CEP128: variants seen among roughly 807,000 people sequenced by gnomAD.
CEP128 encodes the protein centrosomal protein 128.
A neutral mutation model predicts 156.7 loss-of-function variants in CEP128; 132 were observed. The observed-to-expected ratio is 0.84, with a 90% CI of 0.73 to 0.97. The LOEUF (loss-of-function observed/expected upper bound fraction) is 0.97, where lower values mean the gene tolerates loss of function less well. CEP128 is among the 50% of genes least tolerant of loss of function. The probability of loss-of-function intolerance (pLI) is 0.00; values close to 1 mark genes in which losing one functional copy is unlikely to be tolerated. For synonymous variants in CEP128, 469 were observed against 448.9 expected, an observed-to-expected ratio of 1.04 and a Z score of -0.57; for missense variants, 1,252 against 1,281.9, an observed-to-expected ratio of 0.98 and a Z score of 0.36.
intron 14 of CEP128, among the ~76,000 whole-genome samples, chr14:80,791,524 T>G (rs1901704503): frequency 6.6e-6 from 1 of 152,148 alleles, no homozygotes; most frequent in Admixed American, 6.5e-5. Context: ...CAATCAATTC[T>G]CTCAACCACT....
chr14:80,854,918 C>T (rs551355628), intron 9 of CEP128, among the ~76,000 whole-genome samples: 1 of 151,598 alleles, frequency 6.6e-6, no homozygotes, highest in Admixed American at 6.6e-5. Flanking sequence ...CATAAATAAT[C>T]GGGGACAAAG....
chr14:80,573,728 C>G (rs1891242347), intron 20 of CEP128, among the ~76,000 whole-genome samples: 1 of 151,924 alleles, frequency 6.6e-6, no homozygotes, highest in Non-Finnish European at 1.5e-5. Flanking sequence ...CCTGTTTGAC[C>G]CCAAGGCAGA....
At chr14:80,764,974 T>G (rs1419136209) in intron 16 of CEP128, among the ~76,000 whole-genome samples, 1 of 152,226 alleles carries the variant, frequency 6.6e-6, no homozygotes, top group Non-Finnish European at 1.5e-5. Context: ...CACACCATAC[T>G]TCAGCAGTTA....
chr14:80,500,233 CT>C (rs1374131064), intron 24 of CEP128, among the ~76,000 whole-genome samples: 3 of 152,148 alleles, frequency 2.0e-5, no homozygotes, highest in Non-Finnish European at 2.9e-5. Context: ...TGATTCTATG[CT>C]TTAGTTTGGT....
chr14:80,565,383 C>CAG (rs1566783467), intron 20 of CEP128, among the ~76,000 whole-genome samples: 1 of 151,860 alleles, frequency 6.6e-6, no homozygotes, highest in African/African-American at 2.4e-5. Context: ...ATTTGGCAAG[C>CAG]GCCTGCTTGC....
intron 9 of CEP128, among the ~76,000 whole-genome samples, chr14:80,842,741 GA>G (rs113964824): frequency 2.7e-5 from 4 of 150,454 alleles, no homozygotes; most frequent in African/African-American, 2.4e-5. Flanking sequence ...TATAAAAGAA[GA>G]AAAAAAAATC....
chr14:80,873,069 A>C (rs1186268043), intron 8 of CEP128, among the ~76,000 whole-genome samples: 1 of 152,230 alleles, frequency 6.6e-6, no homozygotes, highest in Admixed American at 6.5e-5. Context: ...AGGAACTGGC[A>C]CATGAACAAT....
intron 21 of CEP128, among the ~76,000 whole-genome samples, chr14:80,558,956 C>T (rs1480951349): frequency 2.0e-5 from 3 of 152,136 alleles, no homozygotes; most frequent in African/African-American, 7.2e-5. Flanking sequence ...ATCAACCAAT[C>T]CTCTTAGTGA....
intron 19 of CEP128, among the ~76,000 whole-genome samples, chr14:80,643,023 G>T (rs1595138706): frequency 6.6e-6 from 1 of 152,022 alleles, no homozygotes; most frequent in East Asian, 1.9e-4. Context: ...CAAAGTGCTG[G>T]GATTACAGGC....
chr14:80,805,021 A>ATGT (rs1884093406), intron 13 of CEP128, among the ~76,000 whole-genome samples: 1 of 152,010 alleles, frequency 6.6e-6, no homozygotes, highest in Non-Finnish European at 1.5e-5. Flanking sequence ...GTCATGTACA[A>ATGT]CCCAATAGCA....
At chr14:80,818,407 G>A (rs1884984841) in intron 13 of CEP128, among the ~76,000 whole-genome samples, 1 of 152,254 alleles carries the variant, frequency 6.6e-6, no homozygotes, top group Admixed American at 6.5e-5. Flanking sequence ...CAGAGAATCT[G>A]TTGCTAGTAG....
intron 19 of CEP128, among the ~76,000 whole-genome samples, chr14:80,612,137 G>T (rs1359981991): frequency 1.3e-5 from 2 of 152,176 alleles, no homozygotes; most frequent in Non-Finnish European, 2.9e-5. Flanking sequence ...TAATAGTAAA[G>T]CATGTATGTA....
intron 8 of CEP128, among the ~76,000 whole-genome samples, chr14:80,875,051 A>G (rs1888215980): frequency 6.6e-6 from 1 of 152,234 alleles, no homozygotes. Flanking sequence ...ATATCAGCTC[A>G]TTTCAGAAAA....
chr14:80,789,930 G>C (rs1279968104), intron 14 of CEP128, among the ~76,000 whole-genome samples: 2 of 151,758 alleles, frequency 1.3e-5, no homozygotes, highest in Non-Finnish European at 2.9e-5. Context: ...CAGGCAGATG[G>C]CTGGATTATA....
At chr14:80,664,015 C>T (rs1895510036) in intron 19 of CEP128, among the ~76,000 whole-genome samples, 1 of 152,194 alleles carries the variant, frequency 6.6e-6, no homozygotes, top group South Asian at 2.1e-4. Flanking sequence ...TAAATATCAC[C>T]CATATCTGCC....
At chr14:80,610,672 C>A (rs1162678903) in intron 19 of CEP128, among the ~76,000 whole-genome samples, 1 of 152,076 alleles carries the variant, frequency 6.6e-6, no homozygotes, top group African/African-American at 2.4e-5. Context: ...CTTTGACTTA[C>A]CAATTCTACT....
chr14:80,837,678 T>TGAGGTTGTGGTGA, intron 11 of CEP128, among the ~76,000 whole-genome samples: 1 of 152,206 alleles, frequency 6.6e-6, no homozygotes, highest in Non-Finnish European at 1.5e-5. Flanking sequence ...ATTGCGCCAC[T>TGAGGTTGTGGTGA]GCACTCCAGC....
At chr14:80,729,056 G>GTGT (rs1898133887) in intron 19 of CEP128, among the ~76,000 whole-genome samples, 17 of 88,214 alleles carry the variant, frequency 1.9e-4, no homozygotes, top group East Asian at 9.0e-4. Context: ...TGGGCTGGTG[G>GTGT]GGGTGTGTGT....
intron 9 of CEP128, among the ~76,000 whole-genome samples, chr14:80,846,027 TAGCA>T (rs1886583260): frequency 1.3e-5 from 2 of 152,178 alleles, no homozygotes; most frequent in Non-Finnish European, 2.9e-5. Context: ...ATCATCGTCA[TAGCA>T]TTAACGGCAT....
Sources: allele counts gnomAD v4.1 joint callset (sites outside exome capture counted in the v4.1 genomes callset), GRCh38; gene constraint gnomAD v4.1.1; transcripts MANE v1.5; gene names NCBI Gene and HGNC (gene_info 2026-07-23, HGNC 2026-07-21).